PCGF3: variants seen among roughly 807,000 people sequenced by gnomAD.
PCGF3 encodes the protein polycomb group ring finger 3, also known as polycomb group RING finger protein 3.
A neutral mutation model predicts 33.1 loss-of-function variants in PCGF3; 7 were observed. The observed-to-expected ratio is 0.21, with a 90% CI of 0.12 to 0.40. The LOEUF is 0.40. Ranked by LOEUF, PCGF3 falls within the 10% of genes least tolerant of loss-of-function variation. The pLI is 1.00. For missense variants in PCGF3, 211 were observed against 313.3 expected (o/e 0.67, Z 2.46); for synonymous variants, 153 against 121.3 (o/e 1.26, Z -1.72).
chr4:732,379 T>TCCCCTCCCTTCTCCTTCCCCC, intron 3 of PCGF3: 1 of 115,500 alleles, frequency 8.7e-6, no homozygotes. Flanking sequence ...CTCCTTCCCC[T>TCCCCTCCCTTCTCCTTCCCCC]CCCTCTCCCT....
chr4:711,574 C>A (rs1417316192), intron 1 of PCGF3, among the ~76,000 whole-genome samples: 2 of 147,414 alleles, frequency 1.4e-5, no homozygotes, highest in African/African-American at 4.9e-5. Flanking sequence ...TCTCCTGCCT[C>A]AGCCTCCCGA....
At chr4:734,256 G>C in intron 4 of PCGF3, 1 of 1,478,566 alleles carries the variant, frequency 6.8e-7, no homozygotes, top group Non-Finnish European at 9.0e-7. Context: ...GGCTACCGCT[G>C]ACGGGCAGGT....
At chr4:764,778 T>C (rs1745269584) in intron 9 of PCGF3, 7 of 541,922 alleles carry the variant, frequency 1.3e-5, no homozygotes, top group South Asian at 2.2e-5. Flanking sequence ...TGGATTTCCG[T>C]TCAGCTGTGA....
intron 8 of PCGF3, among the ~76,000 whole-genome samples, chr4:755,904 CTTTTTTTTTT>C (rs570528684): frequency 3.0e-4 from 26 of 87,194 alleles, no homozygotes; most frequent in African/African-American, 1.0e-3. Flanking sequence ...CAGAATTGTC[CTTTTTTTTTT>C]TTTTTTTTTT....
At chr4:719,935 C>T (rs138442838) in intron 1 of PCGF3, among the ~76,000 whole-genome samples, 12 of 152,152 alleles carry the variant, frequency 7.9e-5, no homozygotes, top group African/African-American at 2.9e-4. Context: ...GAACGAGAGT[C>T]CATTGGGATC....
intron 9 of PCGF3, among the ~76,000 whole-genome samples, chr4:763,453 T>C (rs868114876): frequency 6.6e-6 from 1 of 152,172 alleles, no homozygotes; most frequent in Non-Finnish European, 1.5e-5. Context: ...TGGGGCTGCT[T>C]CAATTCATGC....
At chr4:748,292 T>C (rs996119754) in intron 8 of PCGF3, among the ~76,000 whole-genome samples, 5 of 151,854 alleles carry the variant, frequency 3.3e-5, no homozygotes, top group African/African-American at 1.2e-4. Flanking sequence ...CTCTGCCTCC[T>C]GGGTTCAAGC....
chr4:764,827 G>A (rs1227716211), intron 9 of PCGF3, 157 bp from the exon 10 acceptor site: 3 of 606,266 alleles, frequency 4.9e-6, no homozygotes, highest in South Asian at 1.9e-5. Flanking sequence ...GTGAGGTAGG[G>A]ATGGAGGAAT....
exon 11 of PCGF3, chr4:769,704 G>C (rs547389524): frequency 6.6e-6 from 1 of 152,450 alleles, no homozygotes; most frequent in Non-Finnish European, 1.5e-5. Flanking sequence ...CAGTTTGAGC[G>C]TTCCCCTGAG....
chr4:709,391 C>T (rs1474241981), intron 1 of PCGF3, among the ~76,000 whole-genome samples: 4 of 151,386 alleles, frequency 2.6e-5, no homozygotes, highest in Non-Finnish European at 5.9e-5. Context: ...GATGCATGAA[C>T]ACATGAATGA....
At chr4:762,603 T>G (rs1199340961) in intron 9 of PCGF3, 1 of 152,300 alleles carries the variant, frequency 6.6e-6, no homozygotes, top group Admixed American at 6.5e-5. Flanking sequence ...GCAGAAGGCC[T>G]TCACAGGTGG....
chr4:750,731 C>G (rs546873040), intron 8 of PCGF3, among the ~76,000 whole-genome samples: 1 of 151,260 alleles, frequency 6.6e-6, no homozygotes, highest in South Asian at 2.2e-4. Context: ...CTTGTTTTCT[C>G]CGTGTCTCTG....
chr4:767,873 C>G (rs62294081), exon 11 of PCGF3: 1 of 152,626 alleles, frequency 6.6e-6, no homozygotes, highest in African/African-American at 2.4e-5. Context: ...TCAAAATACA[C>G]ATACTGCTGA....
In PCGF3 at chr4:766,251, C is replaced by G. The variant is rs906741029; in HGVS notation, c.*172C>G. 7 of 593,354 alleles carry G rather than the reference C, an allele frequency of 1.2e-5. No individual in the cohort carries two copies. The Admixed American group carries it at 1.7e-4, about 15-fold the overall frequency. 36.8% of individuals were successfully genotyped at this position (593,354 alleles called of 1,614,324 possible). ...ACTCAACAAGACACTACCAGCACCACGTTTACAGAGGATGAAAACACTTCA... is the reference window on the plus strand; with the variant it reads ...ACTCAACAAGACACTACCAGCACCAGGTTTACAGAGGATGAAAACACTTCA... On this transcript the variant is annotated 3_prime_UTR_variant, in exon 11 of 11. Transcript: ENST00000362003.
intron 6 of PCGF3, among the ~76,000 whole-genome samples, chr4:740,787 C>G (rs150329772): frequency 6.6e-6 from 1 of 152,308 alleles, no homozygotes; most frequent in South Asian, 2.1e-4. Flanking sequence ...CTGGTTGGAA[C>G]CAGCCCCACT....
chr4:731,637 C>T (rs558556257), intron 3 of PCGF3, among the ~76,000 whole-genome samples: 6 of 53,218 alleles, frequency 1.1e-4, no homozygotes, highest in African/African-American at 2.5e-4. Flanking sequence ...TCCTCAGGGG[C>T]GTAGGGCGGG....
chr4:734,321 G>T, intron 4 of PCGF3: 1 of 1,444,002 alleles, frequency 6.9e-7, no homozygotes, highest in East Asian at 2.5e-5. Context: ...CCCATGGCTG[G>T]CGGCCCTGCT....
chr4:733,537 G>A (rs1188823349), intron 3 of PCGF3, 135 bp from the exon 4 acceptor site: 17 of 812,658 alleles, frequency 2.1e-5, no homozygotes, highest in South Asian at 1.3e-4. Flanking sequence ...CTGGGACCCC[G>A]TGAGCCCAAG....
exon 11 of PCGF3, chr4:769,580 C>A (rs1233392458): frequency 6.6e-6 from 1 of 152,570 alleles, no homozygotes; most frequent in Non-Finnish European, 1.5e-5. Context: ...ATAATTTGTA[C>A]GGGACAGGGT....
Sources: allele counts gnomAD v4.1 joint callset (sites outside exome capture counted in the v4.1 genomes callset), GRCh38; gene constraint gnomAD v4.1.1; transcripts MANE v1.5; gene names NCBI Gene and HGNC (gene_info 2026-07-23, HGNC 2026-07-21).